The following SPATA6L variants were observed in gnomAD, a reference collection of about 807,000 sequenced individuals.
SPATA6L encodes the protein spermatogenesis associated 6-like protein.
In SPATA6L, 68 loss-of-function variants were observed where a neutral mutation model predicts 49.2. The observed-to-expected ratio is 1.38, with a 90% CI of 1.14 to 1.69. SPATA6L has a LOEUF of 1.69. Among genes scored for constraint, SPATA6L ranks in the 40% most tolerant of loss-of-function variants. The probability of loss-of-function intolerance (pLI) is 0.00; values close to 1 mark genes in which losing one functional copy is unlikely to be tolerated. For missense variants in SPATA6L, 668 were observed against 464.3 expected (o/e 1.44, Z -4.03); for synonymous variants, 198 against 165.7 (o/e 1.19, Z -1.50).
chr9:4,601,309 C>A (rs1262020108), intron 11 of SPATA6L, among the ~76,000 whole-genome samples: 1 of 151,498 alleles, frequency 6.6e-6, no homozygotes, highest in Non-Finnish European at 1.5e-5. Context: ...GCCGGGATTT[C>A]ACGGCAATTA....
In SPATA6L at chr9:4,600,342, AAAC is replaced by A. The variant is rs1283721068; in HGVS notation, c.*466_*468del. Among the ~76,000 whole-genome samples, 1 of 152,214 alleles carries A rather than the reference AAAC, an allele frequency of 6.6e-6. No homozygotes were observed. The highest frequency in any genetic ancestry group is 6.5e-5 in the Admixed American group (1 of 15,280). ...TCAAGCCTAACACTAAGAAATAAAC[AAAC>A]AACAACAAAAACGGATCTACCGAAA... On this transcript the variant is annotated 3_prime_UTR_variant, in exon 12 of 12. Transcript: ENST00000682582.
intron 2 of SPATA6L, among the ~76,000 whole-genome samples, chr9:4,661,138 A>T (rs558882772): frequency 1.2e-4 from 18 of 152,266 alleles, no homozygotes; most frequent in Admixed American, 1.0e-3. Context: ...TTAAAGTATA[A>T]TTTTTTTAAA....
chr9:4,631,898 C>T (rs952608429), intron 4 of SPATA6L, among the ~76,000 whole-genome samples: 2 of 152,116 alleles, frequency 1.3e-5, no homozygotes, highest in African/African-American at 4.8e-5. Context: ...ACTCTTTACA[C>T]CACCTTCCCT....
intron 8 of SPATA6L, 72 bp from the exon 9 acceptor site, chr9:4,618,182 T>A: frequency 7.4e-7 from 1 of 1,358,074 alleles, no homozygotes; most frequent in Non-Finnish European, 1.0e-6. Context: ...GGGGTGGGGG[T>A]TGGACAAGGA....
intron 1 of SPATA6L, chr9:4,663,557 C>T: frequency 2.9e-6 from 1 of 347,820 alleles, no homozygotes; most frequent in South Asian, 6.1e-5. Flanking sequence ...GGTGGTTATA[C>T]TGTTGCTGTT....
chr9:4,661,768 T>G, intron 2 of SPATA6L, 131 bp downstream of exon 2: 1 of 835,820 alleles, frequency 1.2e-6, no homozygotes, highest in Admixed American at 4.8e-5. Flanking sequence ...GGTTTTGCAT[T>G]GTGCTGAAGT....
chr9:4,603,291 G>A (rs1299905087), intron 11 of SPATA6L, among the ~76,000 whole-genome samples: 1 of 152,134 alleles, frequency 6.6e-6, no homozygotes, highest in Non-Finnish European at 1.5e-5. Context: ...TTAGCTGGGT[G>A]TGGTTGTGCA....
At chr9:4,617,782 TA>T in intron 9 of SPATA6L, 140 bp downstream of exon 9, 1 of 689,504 alleles carries the variant, frequency 1.5e-6, no homozygotes, top group Non-Finnish European at 2.2e-6. Context: ...GGGTAGATTT[TA>T]AAAGAAATAA....
intron 13 of SPATA6L, among the ~76,000 whole-genome samples, chr9:4,591,090 C>T (rs2129937409): frequency 6.6e-6 from 1 of 152,244 alleles, no homozygotes; most frequent in South Asian, 2.1e-4. Flanking sequence ...TGTCTGCGCC[C>T]CATGGAAAGT....
At chr9:4,646,614 C>A in intron 3 of SPATA6L, 2 of 642,716 alleles carry the variant, frequency 3.1e-6, no homozygotes, top group Non-Finnish European at 4.9e-6. Context: ...GTCATAAAAC[C>A]CACTTAATAG....
intron 3 of SPATA6L, among the ~76,000 whole-genome samples, chr9:4,644,694 C>A (rs993776746): frequency 7.5e-6 from 1 of 133,596 alleles, no homozygotes; most frequent in Non-Finnish European, 1.7e-5. Flanking sequence ...CTCACACACA[C>A]ACACACACAC....
chr9:4,613,264 T>G (rs535552222), intron 9 of SPATA6L, among the ~76,000 whole-genome samples: 49 of 150,846 alleles, frequency 3.2e-4, no homozygotes, highest in African/African-American at 1.2e-3. Context: ...AAGAAAATGA[T>G]TCTCTTTAAT....
chr9:4,593,777 C>T (rs1238566225), downstream of SPATA6L, among the ~76,000 whole-genome samples: 2 of 152,168 alleles, frequency 1.3e-5, no homozygotes, highest in South Asian at 2.1e-4. Flanking sequence ...CAAGACATTA[C>T]CAGATTCTGC....
intron 3 of SPATA6L, among the ~76,000 whole-genome samples, chr9:4,636,226 G>A (rs1832780789): frequency 6.6e-6 from 1 of 151,332 alleles, no homozygotes; most frequent in African/African-American, 2.4e-5. Flanking sequence ...TTGATATTTT[G>A]GAAATCATGT....
At chr9:4,638,047 A>T (rs990021254) in intron 3 of SPATA6L, among the ~76,000 whole-genome samples, 4 of 152,250 alleles carry the variant, frequency 2.6e-5, no homozygotes, top group African/African-American at 9.6e-5. Flanking sequence ...ACTAGTGAAG[A>T]AGATAAATAT....
At chr9:4,602,510 A>G (rs1209840615) in intron 11 of SPATA6L, among the ~76,000 whole-genome samples, 1 of 152,206 alleles carries the variant, frequency 6.6e-6, no homozygotes, top group African/African-American at 2.4e-5. Flanking sequence ...ATGACCCTCA[A>G]AACAGACTTT....
intron 13 of SPATA6L, among the ~76,000 whole-genome samples, chr9:4,592,367 G>T (rs1027030540): frequency 3.3e-5 from 5 of 150,910 alleles, no homozygotes; most frequent in Non-Finnish European, 5.9e-5. Context: ...TTACTCAGCA[G>T]ACGTTGGCAT....
At chr9:4,653,716 G>C (rs1837447115) in intron 3 of SPATA6L, among the ~76,000 whole-genome samples, 1 of 152,158 alleles carries the variant, frequency 6.6e-6, no homozygotes, top group South Asian at 2.1e-4. Flanking sequence ...GATCACTTAA[G>C]ACCAGGAGTT....
chr9:4,595,145 C>A (rs1822159724), downstream of SPATA6L, among the ~76,000 whole-genome samples: 1 of 152,178 alleles, frequency 6.6e-6, no homozygotes, highest in Admixed American at 6.5e-5. Context: ...TCCATCAATA[C>A]CTCATTCTGC....
Sources: gnomAD v4.1 joint callset for allele counts (sites outside exome capture counted in the v4.1 genomes callset) on GRCh38, gnomAD v4.1.1 for gene constraint, MANE v1.5 for transcripts, NCBI Gene and HGNC (gene_info 2026-07-23, HGNC 2026-07-21) for gene names.